Variants in LTBP1 observed in about 807,000 individuals in gnomAD.
LTBP1 encodes the protein latent transforming growth factor beta binding protein 1.
A neutral mutation model predicts 207.6 loss-of-function variants in LTBP1; 129 were observed. The observed-to-expected ratio is 0.62, with a 90% CI of 0.54 to 0.72. LTBP1 has a LOEUF of 0.72. Among genes scored for constraint, LTBP1 ranks in the 30% least tolerant of loss-of-function variants. The pLI, the probability that LTBP1 is intolerant of heterozygous loss-of-function variation, is 0.00. For missense variants in LTBP1, 2,281 were observed against 2,217.2 expected (o/e 1.03, Z -0.58); for synonymous variants, 963 against 833.7 (o/e 1.16, Z -2.67).
rs749312507 is a variant in LTBP1, at chr2:33,134,530, C to G, written c.1034-263C>G. On this transcript the variant is annotated intron_variant, in intron 4 of 33. Transcript: ENST00000404816. The surrounding 1 kb of genome is among the most constrained non-coding windows in gnomAD (Gnocchi z 4.4). ...GGTTAGTAATCCCACTCCAGTGACT[C>G]GACTTCAAATGTGGTTTTGGAGTGC... is the stretch of plus-strand genomic sequence containing the variant. The G allele has an allele frequency of 7.3e-6, 11 of 1,498,328 alleles. No homozygotes were observed. In the South Asian group the frequency reaches 1.1e-4, roughly 15 times the overall value. The allele number at this position is 1,498,328 out of a possible 1,614,324, so 92.8% of individuals were successfully genotyped here.
chr2:32,995,815 A>G lies in LTBP1; in HGVS notation c.566-25094A>G, dbSNP rs1374211276. On this transcript the variant is annotated intron_variant, in intron 2 of 33. Transcript: ENST00000404816. Reference sequence around the variant, plus strand: ...AAACAAACAAACAAACAAAAACACCACATGATTTTACTGTGTGTCAGCCTA... The same window carrying G: ...AAACAAACAAACAAACAAAAACACCGCATGATTTTACTGTGTGTCAGCCTA... 2.0e-5 allele frequency among the ~76,000 whole-genome samples: 3 copies of G among 151,974 alleles called. No homozygotes were observed. The East Asian group carries it at 5.8e-4, about 29-fold the overall frequency.
At chr2:33,367,498 A>G (rs1445035906) in intron 31 of LTBP1, among the ~76,000 whole-genome samples, 1 of 152,124 alleles carries the variant, frequency 6.6e-6, no homozygotes, top group South Asian at 2.1e-4. Context: ...CCCTTACCCC[A>G]CTTCCAGACT....
chr2:33,112,980 A>T (rs2150290525), intron 4 of LTBP1, among the ~76,000 whole-genome samples: 1 of 152,358 alleles, frequency 6.6e-6, no homozygotes, highest in South Asian at 2.1e-4. Flanking sequence ...TTGAAGGTCA[A>T]ACAGAAGCTG....
At chr2:32,977,935 G>C (rs1682082389) in intron 2 of LTBP1, among the ~76,000 whole-genome samples, 2 of 152,092 alleles carry the variant, frequency 1.3e-5, no homozygotes, top group African/African-American at 4.8e-5. Flanking sequence ...ATCTTTCACT[G>C]CTTGGGTTAA....
At chr2:33,202,562 A>G (rs1449399508) in intron 7 of LTBP1, among the ~76,000 whole-genome samples, 8 of 152,236 alleles carry the variant, frequency 5.3e-5, no homozygotes, top group Non-Finnish European at 1.0e-4. Flanking sequence ...ATCCTGACAG[A>G]AGTAATGCCA....
intron 7 of LTBP1, among the ~76,000 whole-genome samples, chr2:33,200,379 G>A (rs2089089183): frequency 6.6e-6 from 1 of 152,168 alleles, no homozygotes; most frequent in East Asian, 1.9e-4. Context: ...ATGGGGAAAG[G>A]ATTCCCTATT....
At chr2:33,034,947 T>G (rs545946710) in intron 3 of LTBP1, among the ~76,000 whole-genome samples, 14 of 152,340 alleles carry the variant, frequency 9.2e-5, no homozygotes, top group Admixed American at 4.6e-4. Flanking sequence ...AGTTTTATTT[T>G]TATACCGCAG....
intron 2 of LTBP1, among the ~76,000 whole-genome samples, chr2:32,988,658 T>C (rs1020074320): frequency 1.3e-5 from 2 of 152,344 alleles, no homozygotes; most frequent in Admixed American, 6.5e-5. Flanking sequence ...ACGAGACTTA[T>C]TTCCTCAATT....
chr2:33,202,219 A>G (rs974360629), intron 7 of LTBP1, among the ~76,000 whole-genome samples: 1 of 152,376 alleles, frequency 6.6e-6, no homozygotes, highest in Non-Finnish European at 1.5e-5. Context: ...AAGAGTTTCA[A>G]TACTTTTGTC....
chr2:33,006,743 G>A (rs558819949), intron 2 of LTBP1, among the ~76,000 whole-genome samples: 1 of 121,434 alleles, frequency 8.2e-6, no homozygotes, highest in South Asian at 2.7e-4. Context: ...ACAGAGCTTT[G>A]CTTGTTCCTT....
intron 2 of LTBP1, among the ~76,000 whole-genome samples, chr2:32,990,301 C>T (rs1042757705): frequency 1.3e-5 from 2 of 152,214 alleles, no homozygotes; most frequent in East Asian, 3.8e-4. Flanking sequence ...AGGACTGGGG[C>T]ACTTCTAGAG....
intron 3 of LTBP1, among the ~76,000 whole-genome samples, chr2:33,048,152 G>T (rs2076539954): frequency 6.6e-6 from 1 of 152,188 alleles, no homozygotes. Context: ...CTGTTGTAAG[G>T]ATAAGAATAA....
intron 32 of LTBP1, among the ~76,000 whole-genome samples, chr2:33,394,984 T>C (rs1309847000): frequency 6.6e-6 from 1 of 152,234 alleles, no homozygotes; most frequent in Non-Finnish European, 1.5e-5. Context: ...TCCATGTTCC[T>C]GCAAAAGACA....
In LTBP1 at chr2:32,948,914, T is replaced by C. The variant is rs376301449; in HGVS notation, c.534T>C (p.Ser178=). ...VCGGRCCHGW[S]KAPGSQRCTK... ...GAGGGCGGTGCTGTCATGGCTGGAG[T>C]AAGGCCCCTGGCTCCCAGAGGTGCA... is the stretch of plus-strand genomic sequence containing the variant. Residue 178 remains serine (S), a synonymous_variant, in exon 2 of 34, where the codon AGT becomes AGC. Transcript: ENST00000404816. 2.5e-4 allele frequency: 399 copies of C among 1,613,904 alleles called. 1 individual carries two copies. The highest frequency in any genetic ancestry group is 3.2e-4 in the Non-Finnish European group (379 of 1,180,012).
chr2:33,189,190 T>TTG (rs2087557042), intron 7 of LTBP1, among the ~76,000 whole-genome samples: 2 of 151,070 alleles, frequency 1.3e-5, no homozygotes, highest in South Asian at 2.1e-4. Context: ...TTTATTTGTT[T>TTG]ATTGATTGAT....
intron 5 of LTBP1, among the ~76,000 whole-genome samples, chr2:33,184,038 G>C (rs749805138): frequency 5.3e-5 from 8 of 151,988 alleles, no homozygotes; most frequent in Admixed American, 1.3e-4. Flanking sequence ...CCATCATCAA[G>C]TTCCACTGAT....
intron 5 of LTBP1, among the ~76,000 whole-genome samples, chr2:33,157,570 C>G (rs371492572): frequency 6.6e-6 from 1 of 152,204 alleles, no homozygotes; most frequent in African/African-American, 2.4e-5. Context: ...TGGCAACGCT[C>G]AGATGCAGAC....
rs1245855616 is a variant in LTBP1, at chr2:33,257,632, T to C, written c.2395+121T>C. ...CCTAAGCACTATTGGCATTTTAGAG[T>C]GGAGAATTATTTGATTGGGGGCTGC... On this transcript the variant is annotated intron_variant, in intron 12 of 33. Coordinates refer to ENST00000404816, the MANE Select transcript of LTBP1 (RefSeq NM_206943.4). 4 of 784,982 alleles carry C rather than the reference T, an allele frequency of 5.1e-6. No individual in the cohort carries two copies. The African/African-American group carries it at 7.0e-5, about 14-fold the overall frequency. The allele number at this position is 784,982 out of a possible 1,614,324, so 48.6% of individuals were successfully genotyped here.
At chr2:33,302,276 G>A (rs1015092441) in intron 22 of LTBP1, among the ~76,000 whole-genome samples, 1 of 152,134 alleles carries the variant, frequency 6.6e-6, no homozygotes, top group African/African-American at 2.4e-5. Flanking sequence ...GTCCACCTAA[G>A]TAACAAGCTT....
Sources: allele counts gnomAD v4.1 joint callset (sites outside exome capture counted in the v4.1 genomes callset), GRCh38; gene constraint gnomAD v4.1.1; non-coding constraint Gnocchi (gnomAD v3.1); transcripts MANE v1.5; gene names NCBI Gene and HGNC (gene_info 2026-07-23, HGNC 2026-07-21).